Variants in SOCS2 observed in about 807,000 individuals in gnomAD.
SOCS2 encodes the protein CIS-2.
In SOCS2, 10 loss-of-function variants were observed where a neutral mutation model predicts 18.6. The ratio of observed to expected loss-of-function variants is 0.54; its 90% confidence interval spans 0.33 to 0.91. The LOEUF (loss-of-function observed/expected upper bound fraction) is 0.91, where lower values mean the gene tolerates loss of function less well. Among genes scored for constraint, SOCS2 ranks in the 40% least tolerant of loss-of-function variants. SOCS2 has a pLI of 0.02. For synonymous variants in SOCS2, 104 were observed against 104.0 expected (o/e 1.00, Z 0.00); for missense variants, 231 against 247.2 (o/e 0.93, Z 0.44).
chr12:93,616,057 G>A, the SOCS2 span, among the ~76,000 whole-genome samples: 1 of 152,216 alleles, frequency 6.6e-6, no homozygotes, highest in African/African-American at 2.4e-5. Flanking sequence ...GCCCTGTGGG[G>A]AATCAGCCCT....
chr12:93,622,221 G>A, the SOCS2 span, among the ~76,000 whole-genome samples: 1 of 152,150 alleles, frequency 6.6e-6, no homozygotes, highest in African/African-American at 2.4e-5. Context: ...CTTTAGATAA[G>A]GAATGCACCT....
Position 93,574,960 on chromosome 12 carries a change from C to T in SOCS2, c.378C>T (p.Ile126=), listed in dbSNP as rs146078801. The T allele has an allele frequency of 3.1e-6, 5 of 1,613,990 alleles. No individual in the cohort carries two copies. The African/African-American group carries it at 5.3e-5, about 17-fold the overall frequency. Residue 126 remains isoleucine, a synonymous_variant, in exon 2 of 2, where the codon ATC becomes ATT. Transcript: ENST00000551556. ...LKQFDSVVHL[I]DYYVQMCKDK... ...AATTTGACAGTGTGGTTCATCTGAT[C>T]GACTACTATGTTCAGATGTGCAAGG...
chr12:93,579,210 G>T (rs1235967764), downstream of SOCS2, among the ~76,000 whole-genome samples: 1 of 152,132 alleles, frequency 6.6e-6, no homozygotes, highest in East Asian at 1.9e-4. Flanking sequence ...GGGCATAAGG[G>T]ATAGTTAATT....
chr12:93,590,960 AAACTTACTG>A, the SOCS2 span, among the ~76,000 whole-genome samples: 2 of 152,072 alleles, frequency 1.3e-5, no homozygotes, highest in Admixed American at 6.6e-5. Context: ...CTTTTTCTTT[AAACTTACTG>A]GCTTTTCCCT....
the SOCS2 span, among the ~76,000 whole-genome samples, chr12:93,618,404 C>G: frequency 1.3e-5 from 2 of 152,152 alleles, no homozygotes; most frequent in Non-Finnish European, 2.9e-5. Flanking sequence ...GGCCTCCCAC[C>G]CAAGCCCTTC....
the SOCS2 span, among the ~76,000 whole-genome samples, chr12:93,588,615 A>ATTT: frequency 2.1e-5 from 3 of 141,090 alleles, no homozygotes; most frequent in African/African-American, 7.8e-5. Flanking sequence ...GAGACAGTGA[A>ATTT]TTTTTTTTTT....
chr12:93,604,698 C>T, the SOCS2 span, among the ~76,000 whole-genome samples: 3 of 151,968 alleles, frequency 2.0e-5, no homozygotes, highest in African/African-American at 4.8e-5. Context: ...TTCGTTTTGT[C>T]GCCCAAGCTG....
chr12:93,620,236 T>G, the SOCS2 span, among the ~76,000 whole-genome samples: 1 of 152,228 alleles, frequency 6.6e-6, no homozygotes, highest in African/African-American at 2.4e-5. Context: ...TATTGGATCA[T>G]AAGTATTTTT....
chr12:93,620,363 C>A, the SOCS2 span, among the ~76,000 whole-genome samples: 1 of 152,104 alleles, frequency 6.6e-6, no homozygotes, highest in Non-Finnish European at 1.5e-5. Flanking sequence ...CATCCCCCAT[C>A]GCCTCAATAT....
intron 1 of SOCS2, chr12:93,574,157 G>A (rs1954373484): frequency 6.6e-6 from 1 of 150,786 alleles, no homozygotes; most frequent in Non-Finnish European, 1.5e-5. Context: ...CAAGTACATA[G>A]CAGTGCTTTC....
At chr12:93,614,431 CT>C in the SOCS2 span, among the ~76,000 whole-genome samples, 3 of 25,732 alleles carry the variant, frequency 1.2e-4, no homozygotes, top group Admixed American at 4.2e-4. Context: ...CTTTCTTTCC[CT>C]TCCTTCCTTC....
downstream of SOCS2, among the ~76,000 whole-genome samples, chr12:93,586,054 T>C (rs544329304): frequency 2.6e-5 from 4 of 152,312 alleles, no homozygotes; most frequent in East Asian, 1.9e-4. Flanking sequence ...TGCTTTTTTT[T>C]CCCTCCCCCA....
chr12:93,617,743 G>A, the SOCS2 span, among the ~76,000 whole-genome samples: 1 of 152,030 alleles, frequency 6.6e-6, no homozygotes, highest in South Asian at 2.1e-4. Context: ...TAGGATACTG[G>A]TTGGGAAAGA....
chr12:93,585,763 AT>A (rs1343140765), downstream of SOCS2, among the ~76,000 whole-genome samples: 6 of 152,164 alleles, frequency 3.9e-5, no homozygotes, highest in African/African-American at 1.4e-4. Flanking sequence ...GAAGTGAAAT[AT>A]ACATAATTCA....
the SOCS2 span, among the ~76,000 whole-genome samples, chr12:93,617,666 G>A: frequency 6.6e-6 from 1 of 151,742 alleles, no homozygotes; most frequent in Non-Finnish European, 1.5e-5. Flanking sequence ...TTCAAAATAT[G>A]TAATAATCAA....
At position 93,583,392 on chromosome 12, in the gene SOCS2, G is replaced by T. The variant is rs1055127166; in HGVS notation, c.*346G>T. 2.0e-5 allele frequency: 3 copies of T among 151,918 alleles called. No homozygotes were observed. The South Asian group carries it at 6.3e-4, about 32-fold the overall frequency. 9.4% of individuals were successfully genotyped at this position (151,918 alleles called of 1,614,324 possible). ...ATTGAGCTTTATTTTCATCTGTCAG[G>T]CAATTAAGAAAAAAGTAAAGGAAAC... On this transcript the variant is annotated 3_prime_UTR_variant, in exon 2 of 2. Coordinates refer to the SOCS2 transcript ENST00000549510.
downstream of SOCS2, among the ~76,000 whole-genome samples, chr12:93,587,646 A>C (rs1452748123): frequency 1.3e-5 from 2 of 151,156 alleles, no homozygotes; most frequent in Non-Finnish European, 2.9e-5. Flanking sequence ...GTGCCACTGC[A>C]CTGCAGCCTG....
the SOCS2 span, among the ~76,000 whole-genome samples, chr12:93,594,779 G>A: frequency 6.6e-6 from 1 of 152,156 alleles, no homozygotes; most frequent in South Asian, 2.1e-4. Context: ...AACACTGGGA[G>A]TTCAGGGAAA....
the SOCS2 span, among the ~76,000 whole-genome samples, chr12:93,597,762 T>A: frequency 6.6e-6 from 1 of 152,234 alleles, no homozygotes; most frequent in Non-Finnish European, 1.5e-5. Context: ...CTTCCTTTGC[T>A]GATTTATTTT....
Sources: gnomAD v4.1 joint callset for allele counts (sites outside exome capture counted in the v4.1 genomes callset) on GRCh38, gnomAD v4.1.1 for gene constraint, MANE v1.5 for transcripts, NCBI Gene and HGNC (gene_info 2026-07-23, HGNC 2026-07-21) for gene names.